The following WDR76 variants were observed in gnomAD, a reference collection of about 807,000 sequenced individuals.
The protein encoded by WDR76 is WD repeat-containing protein 76.
In WDR76, 52 loss-of-function variants were observed where a neutral mutation model predicts 70.2. That is an observed-to-expected ratio of 0.74 (90% CI 0.59 to 0.93). The LOEUF (loss-of-function observed/expected upper bound fraction) is 0.93. Ranked by LOEUF, WDR76 falls within the 40% of genes least tolerant of loss-of-function variation. WDR76 has a pLI of 0.00. For missense variants in WDR76, 756 were observed against 760.2 expected (o/e 0.99, Z 0.07); for synonymous variants, 292 against 271.1 (o/e 1.08, Z -0.76).
intron 8 of WDR76, among the ~76,000 whole-genome samples, chr15:43,850,040 A>G (rs2087837042): frequency 6.6e-6 from 1 of 152,044 alleles, no homozygotes; most frequent in South Asian, 2.1e-4. Flanking sequence ...TCTCCATTTT[A>G]AAATTTAAAA....
chr15:43,846,691 A>C (rs2087792833), intron 8 of WDR76, among the ~76,000 whole-genome samples: 1 of 152,080 alleles, frequency 6.6e-6, no homozygotes, highest in South Asian at 2.1e-4. Flanking sequence ...GACATACATA[A>C]AAATCCTTTT....
rs768766903 is a variant in WDR76 at position 43,866,790 on chromosome 15, C to T, written c.*398C>T. ...TACAGGCACCTGCCACCACGCCTGGCTATTTTTTTGTATTTTTAGTAGAGA... is the reference window on the plus strand; with the variant it reads ...TACAGGCACCTGCCACCACGCCTGGTTATTTTTTTGTATTTTTAGTAGAGA... On this transcript the variant is annotated 3_prime_UTR_variant, in exon 13 of 13. Transcript: ENST00000263795. The T allele has an allele frequency of 6.0e-6, 1 of 166,512 alleles. No individual in the cohort carries two copies. The highest frequency in any genetic ancestry group is 1.3e-5 in the Non-Finnish European group (1 of 76,392). 10.3% of individuals were successfully genotyped at this position (166,512 alleles called of 1,614,324 possible).
intron 2 of WDR76, among the ~76,000 whole-genome samples, chr15:43,829,813 G>A (rs1294046613): frequency 6.6e-6 from 1 of 151,736 alleles, no homozygotes; most frequent in Non-Finnish European, 1.5e-5. Context: ...GCCTAGCACG[G>A]GTACTTCTAA....
chr15:43,861,461 C>T, intron 12 of WDR76, 75 bp downstream of exon 12: 2 of 1,336,346 alleles, frequency 1.5e-6, no homozygotes, highest in East Asian at 4.6e-5. Context: ...CATTAGACAT[C>T]TGATTGTCAA....
chr15:43,861,397 A>G lies in WDR76; in HGVS notation c.1616+11A>G, dbSNP rs1325831110. 1 of 1,608,446 alleles carries G rather than the reference A, an allele frequency of 6.2e-7. No homozygotes were observed. Among genetic ancestry groups the G allele is most frequent in the Non-Finnish European group, 8.5e-7 (1 of 1,174,882 alleles). On this transcript the variant is annotated intron_variant, in intron 12 of 12. Coordinates refer to ENST00000263795, the MANE Select transcript of WDR76 (RefSeq NM_024908.4). ...CCTCACCACCATCAGGTAGGCTTCTATATGCCAAATAATGTAGATGTGGAT... is the reference window on the plus strand; with the variant it reads ...CCTCACCACCATCAGGTAGGCTTCTGTATGCCAAATAATGTAGATGTGGAT...
intron 12 of WDR76, among the ~76,000 whole-genome samples, chr15:43,863,315 G>T (rs2140314695): frequency 6.6e-6 from 1 of 152,140 alleles, no homozygotes; most frequent in Non-Finnish European, 1.5e-5. Flanking sequence ...TTGTGGAATG[G>T]CTAAATCAAG....
At chr15:43,836,019 G>T in intron 3 of WDR76, 142 bp from the exon 4 acceptor site, 2 of 617,010 alleles carry the variant, frequency 3.2e-6, no homozygotes, top group Non-Finnish European at 5.0e-6. Context: ...CAGTGGCGCT[G>T]ATCATGACTC....
intron 9 of WDR76, among the ~76,000 whole-genome samples, chr15:43,852,645 C>T (rs2087875975): frequency 6.6e-6 from 1 of 152,102 alleles, no homozygotes; most frequent in South Asian, 2.1e-4. Flanking sequence ...GCTGGGATTA[C>T]AGCGTGAGCC....
chr15:43,842,188 T>G (rs2087733558), intron 5 of WDR76, among the ~76,000 whole-genome samples: 1 of 152,218 alleles, frequency 6.6e-6, no homozygotes, highest in African/African-American at 2.4e-5. Flanking sequence ...ATACCTCATT[T>G]GCTAGGTTGT....
In WDR76 at chr15:43,844,808, G is replaced by T. The variant is rs1420955453; in HGVS notation, c.1032+754G>T. The stretch of plus-strand genomic sequence containing the variant: ...CTAGGCGTGGTGGCAGGTGCCTGTA[G>T]TCCCAGCTACTCGGGAGGCTGAAGC... On this transcript the variant is annotated intron_variant, in intron 8 of 12. Coordinates refer to ENST00000263795, the MANE Select transcript of WDR76 (RefSeq NM_024908.4). Among the ~76,000 whole-genome samples the T allele has an allele frequency of 2.1e-5, 3 of 145,994 alleles. No homozygotes were observed. In the East Asian group the frequency reaches 6.5e-4, roughly 32 times the overall value.
At chr15:43,833,388 G>T (rs1314802096) in intron 2 of WDR76, among the ~76,000 whole-genome samples, 5 of 147,830 alleles carry the variant, frequency 3.4e-5, no homozygotes, top group Non-Finnish European at 7.4e-5. Flanking sequence ...GCGCCATCTC[G>T]GCTCACTGCA....
chr15:43,853,215 G>A (rs2087884917), intron 9 of WDR76, among the ~76,000 whole-genome samples: 1 of 150,064 alleles, frequency 6.7e-6, no homozygotes. Context: ...TTTGAGATGG[G>A]GGTCTCACTC....
intron 5 of WDR76, among the ~76,000 whole-genome samples, chr15:43,840,904 C>T (rs1187034188): frequency 5.3e-5 from 8 of 151,828 alleles, no homozygotes; most frequent in Admixed American, 2.0e-4. Flanking sequence ...TCACTTGAGA[C>T]GTTAATTTAA....
intron 8 of WDR76, among the ~76,000 whole-genome samples, chr15:43,845,503 A>C (rs2087777449): frequency 1.3e-5 from 2 of 150,114 alleles, no homozygotes; most frequent in African/African-American, 2.4e-5. Context: ...CTTACCAGAC[A>C]CTGAATGAAC....
intron 2 of WDR76, among the ~76,000 whole-genome samples, chr15:43,832,971 T>A (rs1474880022): frequency 3.3e-5 from 5 of 151,728 alleles, no homozygotes; most frequent in Non-Finnish European, 7.4e-5. Context: ...GCCAGGCTGG[T>A]TTCAAGTTCC....
chr15:43,865,065 G>A lies in WDR76; in HGVS notation c.1617-1063G>A, dbSNP rs535138347. The stretch of plus-strand genomic sequence containing the variant: ...GCCTCCCCAGTAGCTGGGATTACAG[G>A]CAAGCACCACCATGCCTGGCTAATT... On this transcript the variant is annotated intron_variant, in intron 12 of 12. Coordinates refer to ENST00000263795, the MANE Select transcript of WDR76 (RefSeq NM_024908.4). Among the ~76,000 whole-genome samples the A allele has an allele frequency of 3.3e-5, 5 of 152,166 alleles. No individual in the cohort carries two copies. The South Asian group carries it at 1.0e-3, about 32-fold the overall frequency.
intron 8 of WDR76, among the ~76,000 whole-genome samples, chr15:43,844,607 C>T (rs1189854015): frequency 7.3e-6 from 1 of 136,278 alleles, no homozygotes; most frequent in Admixed American, 7.7e-5. Flanking sequence ...GAGTAAGACT[C>T]CGTCTCAAAA....
At chr15:43,864,467 T>C (rs1246842616) in intron 12 of WDR76, among the ~76,000 whole-genome samples, 3 of 152,198 alleles carry the variant, frequency 2.0e-5, no homozygotes, top group African/African-American at 7.2e-5. Context: ...TAAGGTGATA[T>C]CTCATTGTGG....
chr15:43,852,374 C>CGTT (rs1442041020), intron 9 of WDR76, among the ~76,000 whole-genome samples: 3 of 149,582 alleles, frequency 2.0e-5, no homozygotes, highest in South Asian at 2.1e-4. Flanking sequence ...TTGTTGTCGT[C>CGTT]GTTGTTGTTG....
Sources: gnomAD v4.1 joint callset for allele counts (sites outside exome capture counted in the v4.1 genomes callset) on GRCh38, gnomAD v4.1.1 for gene constraint, MANE v1.5 for transcripts, NCBI Gene and HGNC (gene_info 2026-07-23, HGNC 2026-07-21) for gene names.